STEEP1: variants seen among roughly 807,000 people sequenced by gnomAD.
STEEP1 encodes the protein STING ER exit protein.
STEEP1 carries 3 observed loss-of-function variants against 19.2 expected under a neutral mutation model. The ratio of observed to expected loss-of-function variants is 0.16; its 90% CI spans 0.07 to 0.40. The LOEUF (loss-of-function observed/expected upper bound fraction) is 0.40. STEEP1 is among the 10% of genes least tolerant of loss of function. STEEP1 has a pLI of 0.99. For synonymous variants in STEEP1, 46 were observed against 63.7 expected, an observed-to-expected ratio of 0.72 and a Z score of 1.32; for missense variants, 54 against 177.1, an observed-to-expected ratio of 0.30 and a Z score of 3.94.
chrX:119,553,791 A>G (rs183752881), intron 2 of STEEP1, among the ~76,000 whole-genome samples: 66 of 112,141 alleles, frequency 5.9e-4, no homozygotes, highest in South Asian at 2.2e-3. Context: ...CAAAACACAT[A>G]GAAATATCAA....
chrX:119,564,323 C>T (rs1353596240), intron 1 of STEEP1, among the ~76,000 whole-genome samples: 1 of 110,642 alleles, frequency 9.0e-6, no homozygotes. Context: ...AGTGAAACCC[C>T]CGTCTCTACT....
chrX:119,543,282 G>C (rs2053178354), intron 4 of STEEP1, among the ~76,000 whole-genome samples: 1 of 110,240 alleles, frequency 9.1e-6, no homozygotes, highest in African/African-American at 3.3e-5. Flanking sequence ...CTGCCTCCTG[G>C]GTTCAAGCGA....
chrX:119,547,185 A>AATAT (rs201502127), intron 2 of STEEP1, among the ~76,000 whole-genome samples: 2 of 111,058 alleles, frequency 1.8e-5, no homozygotes, highest in African/African-American at 6.5e-5. Context: ...AACTTGGTTA[A>AATAT]ATATATATAT....
intron 2 of STEEP1, among the ~76,000 whole-genome samples, chrX:119,556,336 C>A (rs1393448394): frequency 1.8e-5 from 2 of 110,672 alleles, no homozygotes; most frequent in African/African-American, 6.6e-5. Flanking sequence ...GTAATCCCAG[C>A]ACTTTGGGAG....
chrX:119,545,451 G>T lies in STEEP1; in HGVS notation c.284+12C>A. 1 of 1,146,631 alleles carries T rather than the reference G, an allele frequency of 8.7e-7. No homozygotes were observed. The highest frequency in any genetic ancestry group is 1.2e-6 in the Non-Finnish European group (1 of 838,678). The allele number at this position is 1,146,631 out of a possible 1,213,427, so 94.5% of individuals were successfully genotyped here. On this transcript the variant is annotated intron_variant, in intron 3 of 6. Coordinates refer to ENST00000644802, the MANE Select transcript of STEEP1 (RefSeq NM_022101.4). ...GCCTATGCTTGGAGAAACCCACATT[G>T]TTAATACTTACTTTGCACATTTCTT... is the stretch of plus-strand genomic sequence containing the variant.
Position 119,562,547 on chromosome X carries a change from A to G in STEEP1, c.125-2162T>C, listed in dbSNP as rs868755965. On this transcript the variant is annotated intron_variant, in intron 1 of 6. Coordinates refer to ENST00000644802, the MANE Select transcript of STEEP1 (RefSeq NM_022101.4). ...AAACTCCGTCTCAAAAAAAAAAAAA[A>G]AAATTAGCCAGACATGGTGGCAGGT... 8.6e-3 allele frequency among the ~76,000 whole-genome samples: 925 copies of G among 107,135 alleles called. 15 individuals are homozygous for G. The highest frequency in any genetic ancestry group is 0.03 in the African/African-American group (888 of 29,379). The allele number at this position is 107,135 out of a possible 115,157, so 93.0% of individuals were successfully genotyped here. A position where few individuals can be genotyped will look rare whatever the true frequency, so the allele number is the denominator to read the frequency against.
chrX:119,545,834 G>T (rs937680191), intron 2 of STEEP1, among the ~76,000 whole-genome samples: 1 of 106,936 alleles, frequency 9.4e-6, no homozygotes, highest in Admixed American at 1.0e-4. Context: ...CGGAGGTTGC[G>T]GTGAGCCGAG....
chrX:119,561,583 G>A (rs1243514298), intron 1 of STEEP1, among the ~76,000 whole-genome samples: 1 of 109,821 alleles, frequency 9.1e-6, no homozygotes, highest in Non-Finnish European at 1.9e-5. Context: ...CAGGAGAATC[G>A]CTTGAACCCA....
At chrX:119,553,217 A>AAAAC (rs759965813) in intron 2 of STEEP1, among the ~76,000 whole-genome samples, 2 of 62,366 alleles carry the variant, frequency 3.2e-5, no homozygotes, top group African/African-American at 9.4e-5. Flanking sequence ...CATTCGCATT[A>AAAAC]AAACAAACAA....
intron 1 of STEEP1, 142 bp downstream of exon 1, chrX:119,565,090 C>A: frequency 1.0e-6 from 1 of 976,979 alleles, no homozygotes; most frequent in Non-Finnish European, 1.4e-6. Context: ...GGCGGGGATG[C>A]GTAGGGAGGA....
intron 1 of STEEP1, among the ~76,000 whole-genome samples, chrX:119,564,112 G>A (rs1285038348): frequency 9.0e-6 from 1 of 111,288 alleles, no homozygotes; most frequent in African/African-American, 3.3e-5. Context: ...TCACCTAGGG[G>A]GTGGGTACAG....
Position 119,562,260 on chromosome X carries a change from G to T in STEEP1, c.125-1875C>A, listed in dbSNP as rs189486538. On this transcript the variant is annotated intron_variant, in intron 1 of 6. Transcript: ENST00000644802. Reference sequence around the variant, plus strand: ...AAAAATACAAAAATTAACCGGGTGCGGTTGCTCACGTCTGTAATCCCAGCA... The same window carrying T: ...AAAAATACAAAAATTAACCGGGTGCTGTTGCTCACGTCTGTAATCCCAGCA... 4.5e-4 allele frequency among the ~76,000 whole-genome samples: 50 copies of T among 111,563 alleles called. 1 individual carries two copies. Among genetic ancestry groups the T allele is most frequent in the African/African-American group, 1.6e-3 (49 of 30,791 alleles).
At position 119,541,406 on chromosome X, in the gene STEEP1, G is replaced by A. The variant is rs1310498169; in HGVS notation, c.528C>T (p.Asp176=). 2 of 1,173,274 alleles carry A rather than the reference G, an allele frequency of 1.7e-6. No homozygotes were observed. The highest frequency in any genetic ancestry group is 4.4e-5 in the Admixed American group (2 of 45,963). ...TCACTTTGGCATTCTGTGCATATGA[G>A]TCAGCAACTTCCCTCTGAAGGAAAA... ...EEEIEAREVA[D]SYAQNAKVIE... The change falls in exon 6 of 7, where the codon GAC becomes GAT. Residue 176 remains aspartate, a synonymous_variant. Coordinates refer to ENST00000644802, the MANE Select transcript of STEEP1 (RefSeq NM_022101.4).
At chrX:119,541,600 T>C (rs2053161334) in intron 5 of STEEP1, among the ~76,000 whole-genome samples, 180 bp from the exon 6 acceptor site, 2 of 112,113 alleles carry the variant, frequency 1.8e-5, no homozygotes, top group African/African-American at 6.5e-5. Flanking sequence ...TTTTGTTTGA[T>C]TGCTTGTTTG....
rs773406776 is a variant in STEEP1 at position 119,540,015 on chromosome X, G to A, written c.607-226C>T. 5.4e-5 allele frequency among the ~76,000 whole-genome samples: 6 copies of A among 111,209 alleles called. No homozygotes were observed. In the South Asian group the frequency reaches 2.2e-3, roughly 42 times the overall value. ...TAGGCAAAATGGGCAAAAAGACAAGGCTGTGGCCACAGGAAATCAGCGCAG... is the reference window on the plus strand; with the variant it reads ...TAGGCAAAATGGGCAAAAAGACAAGACTGTGGCCACAGGAAATCAGCGCAG... On this transcript the variant is annotated intron_variant, in intron 6 of 6. Transcript: ENST00000644802.
chrX:119,543,378 G>A (rs913488755), intron 4 of STEEP1, among the ~76,000 whole-genome samples: 1 of 106,772 alleles, frequency 9.4e-6, no homozygotes, highest in African/African-American at 3.4e-5. Flanking sequence ...GTAGAGACGG[G>A]GTTTCTCCAT....
At chrX:119,553,199 A>G (rs1047427409) in intron 2 of STEEP1, among the ~76,000 whole-genome samples, 2 of 93,623 alleles carry the variant, frequency 2.1e-5, no homozygotes, top group African/African-American at 7.5e-5. Flanking sequence ...CTGAGGGTAA[A>G]GCTGAGGCAT....
chrX:119,542,441 A>G (rs185982990), intron 5 of STEEP1, 64 bp downstream of exon 5: 129 of 803,558 alleles, frequency 1.6e-4, no homozygotes, highest in South Asian at 4.2e-5. Flanking sequence ...CTCCCGCTCT[A>G]GAGTCCCCTT....
At chrX:119,547,010 G>A (rs1401833027) in intron 2 of STEEP1, among the ~76,000 whole-genome samples, 1 of 111,492 alleles carries the variant, frequency 9.0e-6, no homozygotes, top group Non-Finnish European at 1.9e-5. Flanking sequence ...CACCCACCCA[G>A]TTCCCTTCCC....
Sources: allele counts gnomAD v4.1 joint callset (sites outside exome capture counted in the v4.1 genomes callset), GRCh38; gene constraint gnomAD v4.1.1; transcripts MANE v1.5; gene names NCBI Gene and HGNC (gene_info 2026-07-23, HGNC 2026-07-21).